Variants in SYNE1 observed in about 807,000 individuals in gnomAD.
The protein encoded by SYNE1 is nesprin-1.
A neutral mutation model predicts 1,111.0 loss-of-function variants in SYNE1; 616 were observed. The ratio of observed to expected loss-of-function variants is 0.55; its 90% CI spans 0.52 to 0.59. The LOEUF is 0.59. Among genes scored for constraint, SYNE1 ranks in the 20% least tolerant of loss-of-function variants. The probability of loss-of-function intolerance (pLI) is 0.00; values close to 1 mark genes in which losing one functional copy is unlikely to be tolerated. For synonymous variants in SYNE1, 3,855 were observed against 3,825.8 expected, an observed-to-expected ratio of 1.01 and a Z score of -0.28; for missense variants, 10,006 against 10,417.0, an observed-to-expected ratio of 0.96 and a Z score of 1.72.
intron 11 of SYNE1, among the ~76,000 whole-genome samples, chr6:152,491,294 GTCAT>G (rs1223427301): frequency 6.6e-6 from 1 of 151,552 alleles, no homozygotes; most frequent in Non-Finnish European, 1.5e-5. Flanking sequence ...GCCTGCCTTG[GTCAT>G]TCACCCACAT....
intron 144 of SYNE1, 99 bp from the exon 145 acceptor site, chr6:152,130,877 A>C: frequency 8.0e-7 from 1 of 1,246,224 alleles, no homozygotes. Flanking sequence ...GCAGCAAAGG[A>C]AAAATAAATC....
At chr6:152,342,740 G>A (rs2096557542) in intron 74 of SYNE1, among the ~76,000 whole-genome samples, 1 of 152,074 alleles carries the variant, frequency 6.6e-6, no homozygotes, top group African/African-American at 2.4e-5. Context: ...AAGCTGCTTA[G>A]TACAAAAGTT....
rs1408443883 is a variant in SYNE1, at chr6:152,436,882, T to C, written c.4150-781A>G. Among the ~76,000 whole-genome samples the C allele has an allele frequency of 4.6e-5, 7 of 152,276 alleles. No homozygotes were observed. The East Asian group carries it at 1.4e-3, about 29-fold the overall frequency. On this transcript the variant is annotated intron_variant, in intron 32 of 145. Coordinates refer to ENST00000367255, the MANE Select transcript of SYNE1 (RefSeq NM_182961.4). Reference sequence around the variant, plus strand: ...AGTCAAAAGAGACTATCAATGATCTTTGGCCAGGCATGACGGCTCATGCCT... The same window carrying C: ...AGTCAAAAGAGACTATCAATGATCTCTGGCCAGGCATGACGGCTCATGCCT...
At chr6:152,308,653 A>C in intron 90 of SYNE1, 21 bp from the exon 91 acceptor site, 1 of 1,586,968 alleles carries the variant, frequency 6.3e-7, no homozygotes, top group Non-Finnish European at 8.5e-7. Context: ...AAAAAAAAAC[A>C]GAAAGATAGA....
At position 152,215,021 on chromosome 6, in the gene SYNE1, C is replaced by G. The variant is rs371230106; in HGVS notation, c.22231G>C (p.Asp7411His). The G allele has an allele frequency of 1.9e-6, 3 of 1,614,006 alleles. No individual in the cohort carries two copies. The highest frequency in any genetic ancestry group is 2.5e-6 in the Non-Finnish European group (3 of 1,179,998). The change falls in exon 122 of 146, where the codon GAC becomes CAC. Residue 7411 changes from aspartate (D) to histidine (H), a missense_variant. This residue lies in a region of SYNE1 where 2,182 missense variants were observed against 2,287.8 expected (regional missense o/e 0.95). Coordinates refer to ENST00000367255, the MANE Select transcript of SYNE1 (RefSeq NM_182961.4). ...CTATATCCAAGCTCATTTAGACGGT[C>G]TAAATCTGGAGCCATGCTGCTGAAT... ...LKFSSMAPDL[D>H]RLNELGYRLP...
Position 152,122,495 on chromosome 6 carries a change from T to C in SYNE1, c.26335A>G (p.Asn8779Asp), listed in dbSNP as rs773750120. ...EEDYSCALSN[N>D]FARSFHPMLR... ...ATGGGGTGGAATGACCGGGCAAAGT[T>C]GTTGGAGAGGGCACAGCTGTAGTCT... The change falls in exon 146 of 146, where the codon AAC (asparagine) becomes GAC (aspartate). Residue 8779 changes from asparagine to aspartate, a missense_variant. Around this residue, in one of 7 missense-constraint regions of SYNE1, gnomAD observed 761 missense variants for 795.5 expected, o/e 0.96. Coordinates refer to ENST00000367255, the MANE Select transcript of SYNE1 (RefSeq NM_182961.4). 1 of 1,614,138 alleles carries C rather than the reference T, an allele frequency of 6.2e-7. No individual in the cohort carries two copies. The highest frequency in any genetic ancestry group is 8.5e-7 in the Non-Finnish European group (1 of 1,180,022).
chr6:152,381,899 C>T (rs1220203742), intron 55 of SYNE1, among the ~76,000 whole-genome samples: 1 of 152,136 alleles, frequency 6.6e-6, no homozygotes, highest in Non-Finnish European at 1.5e-5. Flanking sequence ...ACTAAGTAAA[C>T]ATTTTTGTAG....
rs1203538738 is a variant in SYNE1 at position 152,404,209 on chromosome 6, T to C, written c.6825+4A>G. 1 of 1,610,272 alleles carries C rather than the reference T, an allele frequency of 6.2e-7. No individual in the cohort carries two copies. The highest frequency in any genetic ancestry group is 2.2e-5 in the East Asian group (1 of 44,710). ...AAGTCTAGTAGTTATTACAAAATGC[T>C]TACCTGAAGGTCTGGCGGTGTTTCT... On this transcript the variant is annotated splice_donor_region_variant and intron_variant, in intron 46 of 145. Coordinates refer to ENST00000367255, the MANE Select transcript of SYNE1 (RefSeq NM_182961.4).
At chr6:152,251,745 C>G (rs955673230) in intron 104 of SYNE1, among the ~76,000 whole-genome samples, 1 of 151,322 alleles carries the variant, frequency 6.6e-6, no homozygotes, top group African/African-American at 2.4e-5. Context: ...GGTGACAGAG[C>G]GAGACTCCGT....
chr6:152,245,273 CAG>C (rs779055153), intron 105 of SYNE1, among the ~76,000 whole-genome samples: 2 of 152,114 alleles, frequency 1.3e-5, no homozygotes, highest in African/African-American at 2.4e-5. Context: ...GTTAGGAAGC[CAG>C]AGTAAACAGA....
At chr6:152,192,693 CA>C (rs775082379) in intron 127 of SYNE1, among the ~76,000 whole-genome samples, 12 of 151,826 alleles carry the variant, frequency 7.9e-5, no homozygotes, top group Non-Finnish European at 1.6e-4. Context: ...AGGCTGTTCT[CA>C]AACATATAAA....
At chr6:152,530,634 T>A (rs1415825628) in intron 4 of SYNE1, among the ~76,000 whole-genome samples, 1 of 151,646 alleles carries the variant, frequency 6.6e-6, no homozygotes, top group Non-Finnish European at 1.5e-5. Flanking sequence ...TTTTTTTTTT[T>A]TTTTTGAGAC....
At chr6:152,481,401 T>C (rs903920497) in intron 14 of SYNE1, 9 of 284,228 alleles carry the variant, frequency 3.2e-5, no homozygotes, top group African/African-American at 1.3e-4. Context: ...TACATTTCAT[T>C]TAAAATTCTA....
At chr6:152,170,638 G>A (rs768723835) in intron 130 of SYNE1, among the ~76,000 whole-genome samples, 1 of 152,168 alleles carries the variant, frequency 6.6e-6, no homozygotes, top group South Asian at 2.1e-4. Context: ...GACCTCCAAC[G>A]TGGGTAGAAC....
At chr6:152,627,024 A>G (rs2099687177) in intron 3 of SYNE1, among the ~76,000 whole-genome samples, 1 of 152,216 alleles carries the variant, frequency 6.6e-6, no homozygotes, top group Non-Finnish European at 1.5e-5. Flanking sequence ...TGTTGGAGAT[A>G]CTAGAAAACC....
intron 145 of SYNE1, chr6:152,126,982 T>C (rs2053679517): frequency 1.3e-5 from 2 of 152,212 alleles, no homozygotes; most frequent in African/African-American, 4.8e-5. Context: ...TGCAGAAACA[T>C]CTAGATTGTC....
intron 3 of SYNE1, among the ~76,000 whole-genome samples, chr6:152,540,772 G>A (rs559057902): frequency 6.6e-6 from 1 of 152,214 alleles, no homozygotes; most frequent in Non-Finnish European, 1.5e-5. Flanking sequence ...TTTGCAGAGG[G>A]TCAATGGCAA....
chr6:152,462,887 C>A lies in SYNE1; in HGVS notation c.2101G>T (p.Ala701Ser). The A allele has an allele frequency of 6.2e-7, 1 of 1,613,858 alleles. No individual in the cohort carries two copies. The highest frequency in any genetic ancestry group is 8.5e-7 in the Non-Finnish European group (1 of 1,179,884). Residue 701 changes from alanine to serine, a missense_variant, in exon 20 of 146, where the codon GCT becomes TCT. Transcript: ENST00000367255. ...RELFMEVKQYAQADEMDRMKK... is the reference protein window; with the variant it reads ...RELFMEVKQYSQADEMDRMKK... ...ATTCTGTCCATCTCATCAGCTTGAG[C>A]ATACTGTTAAGGAAAGGGAGGAGGG...
chr6:152,278,044 C>T lies in SYNE1; in HGVS notation c.18573+45G>A, dbSNP rs904969735. 3 of 1,606,746 alleles carry T rather than the reference C, an allele frequency of 1.9e-6. No individual in the cohort carries two copies. In the Admixed American group the frequency reaches 5.0e-5, roughly 27 times the overall value. On this transcript the variant is annotated intron_variant, in intron 98 of 145. Coordinates refer to ENST00000367255, the MANE Select transcript of SYNE1 (RefSeq NM_182961.4). Reference sequence around the variant, plus strand: ...GCAAACCTTAGAAGGAGCACGTGAACAGTGTGCCAACTTTCAGCTGTGGGC... The same window carrying T: ...GCAAACCTTAGAAGGAGCACGTGAATAGTGTGCCAACTTTCAGCTGTGGGC...
Sources: allele counts gnomAD v4.1 joint callset (sites outside exome capture counted in the v4.1 genomes callset), GRCh38; gene constraint gnomAD v4.1.1; regional missense constraint gnomAD v4.1.1; transcripts MANE v1.5; gene names NCBI Gene and HGNC (gene_info 2026-07-23, HGNC 2026-07-21).